The following TTC27 variants were observed in gnomAD, a reference collection of about 807,000 sequenced individuals.
The protein encoded by TTC27 is tetratricopeptide repeat protein 27.
A neutral mutation model predicts 115.9 loss-of-function variants in TTC27; 79 were observed. The observed-to-expected ratio is 0.68, with a 90% CI of 0.57 to 0.82. The LOEUF is 0.82. Ranked by LOEUF, TTC27 falls within the 40% of genes least tolerant of loss-of-function variation. The probability of loss-of-function intolerance (pLI) is 0.00; values close to 1 mark genes in which losing one functional copy is unlikely to be tolerated. For synonymous variants in TTC27, 401 were observed against 356.0 expected, an observed-to-expected ratio of 1.13 and a Z score of -1.42; for missense variants, 1,054 against 993.1, an observed-to-expected ratio of 1.06 and a Z score of -0.82.
intron 10 of TTC27, among the ~76,000 whole-genome samples, chr2:32,711,473 C>G (rs1435789075): frequency 1.3e-5 from 2 of 152,136 alleles, no homozygotes; most frequent in Non-Finnish European, 2.9e-5. Context: ...TGATTCAGAA[C>G]TTGATATTAC....
intron 12 of TTC27, 116 bp downstream of exon 12, chr2:32,736,932 A>T (rs1237403105): frequency 7.3e-7 from 1 of 1,363,168 alleles, no homozygotes; most frequent in Non-Finnish European, 9.8e-7. Flanking sequence ...TCCTTTTTTC[A>T]CTTTTTTTCC....
intron 10 of TTC27, among the ~76,000 whole-genome samples, chr2:32,721,516 C>T (rs1572547885): frequency 1.3e-5 from 2 of 152,202 alleles, no homozygotes; most frequent in Non-Finnish European, 2.9e-5. Context: ...TTTCGTTATC[C>T]ATAGACTTCA....
intron 10 of TTC27, among the ~76,000 whole-genome samples, chr2:32,717,498 A>T (rs1294355457): frequency 6.6e-6 from 1 of 152,138 alleles, no homozygotes; most frequent in Non-Finnish European, 1.5e-5. Context: ...GCTGTAGGTC[A>T]TGGTCAGCTA....
intron 12 of TTC27, among the ~76,000 whole-genome samples, chr2:32,755,288 G>A (rs1352979706): frequency 6.6e-6 from 1 of 152,160 alleles, no homozygotes; most frequent in Non-Finnish European, 1.5e-5. Context: ...TCCAGCCTGG[G>A]CACCATTGAG....
intron 16 of TTC27, among the ~76,000 whole-genome samples, chr2:32,807,154 T>C (rs920820446): frequency 1.3e-5 from 2 of 152,182 alleles, no homozygotes; most frequent in African/African-American, 4.8e-5. Context: ...TGAATATTCA[T>C]GTGTGTCATC....
chr2:32,794,367 T>C lies in TTC27; in HGVS notation c.1998+7218T>C, dbSNP rs950402796. 9.9e-5 allele frequency among the ~76,000 whole-genome samples: 15 copies of C among 151,846 alleles called. No homozygotes were observed. The South Asian group carries it at 3.1e-3, about 32-fold the overall frequency. On this transcript the variant is annotated intron_variant, in intron 16 of 19. Transcript: ENST00000317907. ...CTTAATCAATGGATCAAAAAAGAAA[T>C]CACAAGAGAAATTAGAAAATACTTA...
Position 32,758,481 on chromosome 2 carries a change from G to C in TTC27, c.1642G>C (p.Glu548Gln). 6.2e-7 allele frequency: 1 copy of C among 1,614,178 alleles called. No individual in the cohort carries two copies. The highest frequency in any genetic ancestry group is 8.5e-7 in the Non-Finnish European group (1 of 1,180,024). Residue 548 changes from glutamate to glutamine, a missense_variant, in exon 13 of 20, where the codon GAG (glutamate) becomes CAG (glutamine). By Grantham distance (29) the Glu-to-Gln change is conservative. Transcript: ENST00000317907. ...GAACAAGGAGTTTCAAGAGTGTGTA[G>C]AGTGCTTCGAACGCTCGGTTAAGAT... is the stretch of plus-strand genomic sequence containing the variant. ...LRNKEFQECVECFERSVKINP... is the reference protein window; with the variant it reads ...LRNKEFQECVQCFERSVKINP...
At chr2:32,699,047 C>G (rs1004494020) in intron 9 of TTC27, among the ~76,000 whole-genome samples, 3 of 152,178 alleles carry the variant, frequency 2.0e-5, no homozygotes, top group African/African-American at 7.2e-5. Context: ...CGAAGAACCA[C>G]CTTTGTATGC....
rs184421774 is a variant in TTC27 at position 32,725,853 on chromosome 2, A to G, written c.1234-7975A>G. Among the ~76,000 whole-genome samples the G allele has an allele frequency of 4.5e-3, 684 of 152,292 alleles. 4 individuals are homozygous for G. The highest frequency in any genetic ancestry group is 0.016 in the African/African-American group (658 of 41,564). On this transcript the variant is annotated intron_variant, in intron 10 of 19. Transcript: ENST00000317907. ...TCTGCCTGGACACATAGACATTTCCACACATCCTCTGAAATCTAGGCAGAG... is the reference window on the plus strand; with the variant it reads ...TCTGCCTGGACACATAGACATTTCCGCACATCCTCTGAAATCTAGGCAGAG...
intron 10 of TTC27, among the ~76,000 whole-genome samples, chr2:32,731,689 ATGCATAT>A (rs1241186911): frequency 1.2e-3 from 183 of 152,260 alleles, no homozygotes; most frequent in South Asian, 8.7e-3. Context: ...GATCTTTATC[ATGCATAT>A]GGCTTAATCA....
chr2:32,797,258 C>T (rs1670735345), intron 16 of TTC27, among the ~76,000 whole-genome samples: 1 of 151,878 alleles, frequency 6.6e-6, no homozygotes, highest in Admixed American at 6.6e-5. Flanking sequence ...ACTGCCACTG[C>T]AGCTTTGAAC....
Position 32,758,403 on chromosome 2 carries a change from T to C in TTC27, c.1564T>C (p.Ser522Pro). ...HSCYDKAWEL[S>P]RYRSARAQRS... ...TTGCTATGACAAGGCCTGGGAGTTGTCCCGGTACCGCAGTGCTCGTGCTCA... is the reference window on the plus strand; with the variant it reads ...TTGCTATGACAAGGCCTGGGAGTTGCCCCGGTACCGCAGTGCTCGTGCTCA... Residue 522 changes from serine to proline, a missense_variant, in exon 13 of 20, where the codon TCC becomes CCC. Transcript: ENST00000317907. The C allele has an allele frequency of 6.2e-7, 1 of 1,614,218 alleles. No individual in the cohort carries two copies. The highest frequency in any genetic ancestry group is 8.5e-7 in the Non-Finnish European group (1 of 1,180,050).
rs529181422 is a variant in TTC27 at position 32,698,275 on chromosome 2, A to T, written c.1120-4532A>T. On this transcript the variant is annotated intron_variant, in intron 9 of 19. Transcript: ENST00000317907. The stretch of plus-strand genomic sequence containing the variant: ...CTCCTGAGTAGTTGGAACTACCTGC[A>T]CATGCCACCACACCCAGCAAATTTG... Among the ~76,000 whole-genome samples, 6 of 151,908 alleles carry T rather than the reference A, an allele frequency of 3.9e-5. No homozygotes were observed. In the South Asian group the frequency reaches 1.3e-3, roughly 32 times the overall value.
At chr2:32,699,944 C>T (rs148651544) in intron 9 of TTC27, among the ~76,000 whole-genome samples, 65 of 152,288 alleles carry the variant, frequency 4.3e-4, no homozygotes, top group African/African-American at 1.1e-3. Flanking sequence ...ATATTTCATC[C>T]CTTTGCTGTG....
At chr2:32,722,015 A>G (rs980120183) in intron 10 of TTC27, among the ~76,000 whole-genome samples, 4 of 152,198 alleles carry the variant, frequency 2.6e-5, no homozygotes, top group African/African-American at 9.7e-5. Context: ...TGCTTGGTAC[A>G]TAGTCAATCT....
rs547848764 is a variant in TTC27, at chr2:32,811,146, T to C, written c.2121T>C (p.Asn707=). ...LFGRVTSRVT[N]DGEIWRLYAH... Reference sequence around the variant, plus strand: ...GCAGAGTGACTTCAAGAGTGACAAATGATGGAGAAATCTGGAGGCTGTATG... The same window carrying C: ...GCAGAGTGACTTCAAGAGTGACAAACGATGGAGAAATCTGGAGGCTGTATG... The change falls in exon 17 of 20, where the codon AAT becomes AAC. Residue 707 remains asparagine (N), a synonymous_variant. Transcript: ENST00000317907. 1.2e-6 allele frequency: 2 copies of C among 1,614,104 alleles called. No individual in the cohort carries two copies. The highest frequency in any genetic ancestry group is 1.1e-5 in the South Asian group (1 of 91,084).
At chr2:32,747,453 AC>A (rs1472893124) in intron 12 of TTC27, among the ~76,000 whole-genome samples, 2 of 152,184 alleles carry the variant, frequency 1.3e-5, no homozygotes, top group African/African-American at 4.8e-5. Flanking sequence ...GTAACACAAA[AC>A]CTATTTTGTA....
chr2:32,719,001 C>T, intron 10 of TTC27, among the ~76,000 whole-genome samples: 1 of 152,194 alleles, frequency 6.6e-6, no homozygotes, highest in South Asian at 2.1e-4. Context: ...TTGACCAAGC[C>T]TAGGGGGCAG....
chr2:32,654,830 A>C (rs1201567526), intron 5 of TTC27, among the ~76,000 whole-genome samples: 4 of 149,734 alleles, frequency 2.7e-5, no homozygotes, highest in African/African-American at 9.9e-5. Context: ...CAAGTAGCTG[A>C]GATCACAGGT....
Sources: allele counts gnomAD v4.1 joint callset (sites outside exome capture counted in the v4.1 genomes callset), GRCh38; gene constraint gnomAD v4.1.1; transcripts MANE v1.5; gene names NCBI Gene and HGNC (gene_info 2026-07-23, HGNC 2026-07-21).